The following FOXP1 variants were observed in gnomAD, a reference collection of about 807,000 sequenced individuals.
FOXP1 encodes the protein forkhead box P1.
Under a neutral mutation model 98.2 loss-of-function variants are expected in FOXP1, and 15 were observed. That is an observed-to-expected ratio of 0.15 (90% CI 0.10 to 0.24). The LOEUF (loss-of-function observed/expected upper bound fraction) is 0.24. Among genes scored for constraint, FOXP1 ranks in the 10% least tolerant of loss-of-function variants. FOXP1 has a pLI of 1.00. For missense variants in FOXP1, 633 were observed against 848.5 expected (o/e 0.75, Z 3.15); for synonymous variants, 371 against 314.5 (o/e 1.18, Z -1.90).
intron 6 of FOXP1, among the ~76,000 whole-genome samples, chr3:71,134,847 A>C (rs2059739830): frequency 6.6e-6 from 1 of 152,218 alleles, no homozygotes; most frequent in Admixed American, 6.5e-5. Context: ...TTCCTGGACT[A>C]TTTGTACCCC....
chr3:71,331,163 G>A (rs1010917797), intron 4 of FOXP1, among the ~76,000 whole-genome samples: 20 of 152,334 alleles, frequency 1.3e-4, no homozygotes, highest in African/African-American at 3.1e-4. Context: ...CTGGGGCTGC[G>A]CAGGGTGCTT....
chr3:71,423,832 T>C (rs899810998), intron 3 of FOXP1, among the ~76,000 whole-genome samples: 3 of 152,214 alleles, frequency 2.0e-5, no homozygotes, highest in Non-Finnish European at 4.4e-5. Flanking sequence ...GCCTGAGACA[T>C]CTTCAGTTGT....
rs1324377777 is a variant in FOXP1 at position 71,193,439 on chromosome 3, C to T, written c.180+4763G>A. On this transcript the variant is annotated intron_variant, in intron 6 of 20. Coordinates refer to ENST00000649528, the MANE Select transcript of FOXP1 (RefSeq NM_001349338.3). ...CTGGGATTACAGGCGTGAGCCACTG[C>T]GCCCAGCCGTTATTTGTTTTTTTTT... is the stretch of plus-strand genomic sequence containing the variant. Among the ~76,000 whole-genome samples the T allele has an allele frequency of 5.1e-5, 6 of 118,620 alleles. 1 individual carries two copies. The highest frequency in any genetic ancestry group is 5.1e-4 in the East Asian group (2 of 3,944). 77.8% of individuals were successfully genotyped at this position (118,620 alleles called of 152,430 possible).
intron 12 of FOXP1, among the ~76,000 whole-genome samples, chr3:71,002,714 A>T (rs1340534627): frequency 6.6e-6 from 1 of 152,174 alleles, no homozygotes; most frequent in Admixed American, 6.5e-5. Context: ...CACGATCCTC[A>T]AAGTGTCAGA....
intron 4 of FOXP1, among the ~76,000 whole-genome samples, chr3:71,315,308 C>T (rs1411729070): frequency 6.6e-6 from 1 of 151,950 alleles, no homozygotes; most frequent in African/African-American, 2.4e-5. Flanking sequence ...GAAATTAATA[C>T]TCCTATTAAT....
intron 7 of FOXP1, among the ~76,000 whole-genome samples, chr3:71,098,299 T>A (rs1270503833): frequency 6.6e-6 from 1 of 152,252 alleles, no homozygotes; most frequent in East Asian, 1.9e-4. Flanking sequence ...TTGCCTTTAG[T>A]CTCCTTTAAT....
chr3:71,510,920 T>C (rs1238648140), intron 2 of FOXP1, among the ~76,000 whole-genome samples: 1 of 152,212 alleles, frequency 6.6e-6, no homozygotes, highest in Non-Finnish European at 1.5e-5. Context: ...AAAGTGCAAA[T>C]GTCTGAGATA....
chr3:71,429,559 G>A (rs192818577), intron 3 of FOXP1, among the ~76,000 whole-genome samples: 260 of 152,136 alleles, frequency 1.7e-3, no homozygotes, highest in African/African-American at 5.9e-3. Context: ...TATTGAAATA[G>A]AAATAGAAAG....
chr3:71,143,276 G>A (rs958339729), intron 6 of FOXP1, among the ~76,000 whole-genome samples: 12 of 152,164 alleles, frequency 7.9e-5, no homozygotes, highest in East Asian at 7.7e-4. Flanking sequence ...ATTGTCCTTG[G>A]CTAGAAAAGA....
chr3:70,994,057 G>A (rs2041023017), intron 13 of FOXP1, among the ~76,000 whole-genome samples: 1 of 151,156 alleles, frequency 6.6e-6, no homozygotes, highest in Non-Finnish European at 1.5e-5. Context: ...GTGACTCTTA[G>A]AATCAAGGAA....
At chr3:71,222,855 T>C (rs1010618741) in intron 5 of FOXP1, among the ~76,000 whole-genome samples, 2 of 152,194 alleles carry the variant, frequency 1.3e-5, no homozygotes, top group African/African-American at 4.8e-5. Flanking sequence ...CCACTTAAGT[T>C]CATCAGGCTC....
chr3:71,543,109 C>T (rs976862224), intron 2 of FOXP1, among the ~76,000 whole-genome samples: 1 of 152,118 alleles, frequency 6.6e-6, no homozygotes, highest in Non-Finnish European at 1.5e-5. Flanking sequence ...TAGTGTCTGC[C>T]GAGTTATTCC....
intron 12 of FOXP1, among the ~76,000 whole-genome samples, chr3:71,003,549 T>A (rs1448416498): frequency 6.6e-6 from 1 of 152,188 alleles, no homozygotes; most frequent in Non-Finnish European, 1.5e-5. Flanking sequence ...AAGCTTGAAT[T>A]ATGAATATAA....
intron 3 of FOXP1, among the ~76,000 whole-genome samples, chr3:71,489,790 C>T (rs145379888): frequency 1.3e-5 from 2 of 152,204 alleles, no homozygotes; most frequent in Admixed American, 1.3e-4. Context: ...CGGCATCAAT[C>T]GAGTACATTA....
intron 4 of FOXP1, among the ~76,000 whole-genome samples, chr3:71,352,142 G>A (rs1288552916): frequency 3.9e-5 from 6 of 152,142 alleles, no homozygotes; most frequent in East Asian, 1.9e-4. Flanking sequence ...ATATGTGTGC[G>A]TGAGGAAGAC....
chr3:71,060,523 T>C (rs1166531069), intron 7 of FOXP1, among the ~76,000 whole-genome samples: 1 of 152,018 alleles, frequency 6.6e-6, no homozygotes, highest in African/African-American at 2.4e-5. Flanking sequence ...CCTCATGAAG[T>C]GGTGTGACAA....
intron 5 of FOXP1, among the ~76,000 whole-genome samples, chr3:71,299,139 C>T (rs998036671): frequency 1.3e-5 from 2 of 152,080 alleles, no homozygotes; most frequent in African/African-American, 4.8e-5. Flanking sequence ...CCATTTTAAC[C>T]GGAGTACTTT....
At chr3:71,364,090 G>C (rs1265610944) in intron 3 of FOXP1, among the ~76,000 whole-genome samples, 25 of 152,146 alleles carry the variant, frequency 1.6e-4, no homozygotes, top group Admixed American at 1.6e-3. Flanking sequence ...GAGCAGCTGG[G>C]ACTACAGGCG....
intron 3 of FOXP1, among the ~76,000 whole-genome samples, chr3:71,368,965 G>A (rs1291417185): frequency 6.6e-6 from 1 of 152,098 alleles, no homozygotes; most frequent in African/African-American, 2.4e-5. Context: ...AGTGTATACC[G>A]CATTAGGATC....
Sources: gnomAD v4.1 joint callset for allele counts (sites outside exome capture counted in the v4.1 genomes callset) on GRCh38, gnomAD v4.1.1 for gene constraint, MANE v1.5 for transcripts, NCBI Gene and HGNC (gene_info 2026-07-23, HGNC 2026-07-21) for gene names.